FXR1: variants seen among roughly 807,000 people sequenced by gnomAD.
The protein encoded by FXR1 is RNA-binding protein FXR1.
In FXR1, 15 loss-of-function variants were observed where a neutral mutation model predicts 84.0. The observed-to-expected ratio is 0.18, with a 90% CI of 0.12 to 0.27. The LOEUF (loss-of-function observed/expected upper bound fraction) is 0.27. FXR1 is among the 10% of genes least tolerant of loss of function. The pLI is 1.00. For synonymous variants in FXR1, 245 were observed against 250.7 expected (o/e 0.98, Z 0.21); for missense variants, 480 against 774.4 (o/e 0.62, Z 4.51).
chr3:180,912,695 C>G lies in FXR1; in HGVS notation c.10C>G (p.Leu4Val), dbSNP rs377637427. MAE[L>V]TVEVRGSNGA... ...CCTTTGCGGTTCCAACATGGCGGAGCTGACGGTGGAGGTTCGCGGCTCTAA... is the reference window on the plus strand; with the variant it reads ...CCTTTGCGGTTCCAACATGGCGGAGGTGACGGTGGAGGTTCGCGGCTCTAA... Residue 4 changes from leucine to valine, a missense_variant, in exon 1 of 17, where the codon CTG (leucine) becomes GTG (valine). This residue lies in a region of FXR1 where 54 missense variants were observed against 74.2 expected (regional missense o/e 0.73). Coordinates refer to ENST00000357559, the MANE Select transcript of FXR1 (RefSeq NM_005087.4). 3.1e-6 allele frequency: 5 copies of G among 1,613,840 alleles called. No homozygotes were observed. Among genetic ancestry groups the G allele is most frequent in the African/African-American group, 2.7e-5 (2 of 74,888 alleles).
At chr3:180,949,630 C>T (rs753144089) in intron 7 of FXR1, among the ~76,000 whole-genome samples, 2 of 152,158 alleles carry the variant, frequency 1.3e-5, no homozygotes, top group Non-Finnish European at 1.5e-5. Flanking sequence ...AGTGATTGCC[C>T]GCCTCAGCCT....
chr3:180,949,190 G>T (rs779910538), intron 6 of FXR1, 37 bp from the exon 7 acceptor site: 1 of 1,020,596 alleles, frequency 9.8e-7, no homozygotes, highest in African/African-American at 1.6e-5. Flanking sequence ...TTGGAAGAAT[G>T]ATTAAAGTTT....
In FXR1 at chr3:180,958,394, C is replaced by G. The variant is rs1711606267; in HGVS notation, c.990+466C>G. On this transcript the variant is annotated intron_variant, in intron 10 of 16. Transcript: ENST00000357559. The stretch of plus-strand genomic sequence containing the variant: ...TTTTATCTCTCACCCCCCTCCCAAC[C>G]TTCCTCCACACTGAGTCTCCAAAGT... Among the ~76,000 whole-genome samples, 3 of 152,084 alleles carry G rather than the reference C, an allele frequency of 2.0e-5. No homozygotes were observed. In the South Asian group the frequency reaches 6.2e-4, roughly 32 times the overall value.
intron 13 of FXR1, among the ~76,000 whole-genome samples, chr3:180,966,088 CT>C (rs894909491): frequency 2.0e-5 from 3 of 150,100 alleles, no homozygotes; most frequent in Non-Finnish European, 4.4e-5. Context: ...TTCTGAAAGG[CT>C]TTTTTTTTCA....
rs762519556 is a variant in FXR1, at chr3:180,975,441, T to A, written c.1695+37T>A. 3.3e-5 allele frequency: 26 copies of A among 787,136 alleles called. 1 individual carries two copies. Among genetic ancestry groups the A allele is most frequent in the South Asian group, 8.3e-5 (5 of 60,110 alleles). The allele number at this position is 787,136 out of a possible 1,614,324, so 48.8% of individuals were successfully genotyped here. A position where few individuals can be genotyped will look rare whatever the true frequency, so the allele number is the denominator to read the frequency against. On this transcript the variant is annotated intron_variant, in intron 16 of 16. Transcript: ENST00000357559. ...TTAACCTGTAGGTTTTTTTTTTTTTTAATTTTTGGTATGGTTTAGCTTTAT... is the reference window on the plus strand; with the variant it reads ...TTAACCTGTAGGTTTTTTTTTTTTTAAATTTTTGGTATGGTTTAGCTTTAT...
intron 1 of FXR1, among the ~76,000 whole-genome samples, chr3:180,918,950 G>C (rs1453670177): frequency 1.3e-5 from 2 of 152,218 alleles, no homozygotes; most frequent in African/African-American, 2.4e-5. Flanking sequence ...TCAAGATTCA[G>C]ACTCTAAAGT....
At chr3:180,928,256 T>C (rs1458052538) in intron 1 of FXR1, among the ~76,000 whole-genome samples, 1 of 152,094 alleles carries the variant, frequency 6.6e-6, no homozygotes, top group Non-Finnish European at 1.5e-5. Flanking sequence ...AGGCCTACTT[T>C]TGGAATCTGT....
chr3:180,967,918 C>G (rs1417044264), intron 13 of FXR1, 133 bp from the exon 14 acceptor site: 9 of 628,584 alleles, frequency 1.4e-5, no homozygotes, highest in Non-Finnish European at 2.6e-5. Context: ...TTGATTTTAA[C>G]TTTCATGGAT....
chr3:180,939,348 T>C (rs1559990797), intron 3 of FXR1, among the ~76,000 whole-genome samples: 1 of 152,180 alleles, frequency 6.6e-6, no homozygotes, highest in Non-Finnish European at 1.5e-5. Flanking sequence ...TAAACACTTT[T>C]TCTTAAAATT....
At chr3:180,912,885 C>T (rs1017677551) in intron 1 of FXR1, 149 bp downstream of exon 1, 3 of 1,425,172 alleles carry the variant, frequency 2.1e-6, no homozygotes, top group African/African-American at 2.8e-5. Flanking sequence ...CTCCCCCCTC[C>T]ACCCGCGGTT....
At chr3:180,976,060 T>C in intron 16 of FXR1, 62 bp from the exon 17 acceptor site, 1 of 1,316,150 alleles carries the variant, frequency 7.6e-7, no homozygotes. Flanking sequence ...ATGTAGCTGT[T>C]TTCCTCCTCA....
intron 1 of FXR1, among the ~76,000 whole-genome samples, chr3:180,917,744 C>T (rs1353569265): frequency 1.3e-5 from 2 of 151,830 alleles, no homozygotes; most frequent in Admixed American, 1.3e-4. Context: ...GTCAGGAGTT[C>T]GAGACCAGCC....
intron 4 of FXR1, 168 bp downstream of exon 4, chr3:180,948,104 G>A (rs1721880385): frequency 4.9e-6 from 3 of 607,202 alleles, no homozygotes; most frequent in Non-Finnish European, 5.9e-6. Context: ...TTCTGTATTG[G>A]CAAACACCAA....
intron 9 of FXR1, among the ~76,000 whole-genome samples, chr3:180,957,345 A>C (rs1160324724): frequency 6.6e-6 from 1 of 152,186 alleles, no homozygotes; most frequent in East Asian, 1.9e-4. Flanking sequence ...TATTCATTCT[A>C]AAGTTATCTT....
intron 8 of FXR1, among the ~76,000 whole-genome samples, chr3:180,952,828 CTTTTTTT>C (rs371547296): frequency 2.5e-5 from 3 of 121,488 alleles, no homozygotes; most frequent in East Asian, 2.4e-4. Context: ...ATTTTATTTG[CTTTTTTT>C]TTTTTTTTTT....
rs562105694 is a variant in FXR1 at position 180,978,568 on chromosome 3, A to G, written c.*2276A>G. On this transcript the variant is annotated 3_prime_UTR_variant, in exon 17 of 17. Transcript: ENST00000357559. ...CTATGGGAAGAACTTGCCACTATAC[A>G]CTAAACAGACACTTAAGCAAAAGAT... 1.2e-4 allele frequency: 19 copies of G among 152,188 alleles called. No homozygotes were observed. Among genetic ancestry groups the G allele is most frequent in the African/African-American group, 4.6e-4 (19 of 41,548 alleles). 9.4% of individuals were successfully genotyped at this position (152,188 alleles called of 1,614,324 possible).
At chr3:180,939,711 G>C (rs1386999923) in intron 3 of FXR1, among the ~76,000 whole-genome samples, 4 of 152,212 alleles carry the variant, frequency 2.6e-5, no homozygotes, top group Admixed American at 2.0e-4. Flanking sequence ...AGGTTGGGAA[G>C]CTGATAACCA....
At chr3:180,931,299 A>G (rs1332412818) in intron 1 of FXR1, among the ~76,000 whole-genome samples, 6 of 151,400 alleles carry the variant, frequency 4.0e-5, no homozygotes, top group Non-Finnish European at 8.8e-5. Context: ...GCTCACTGCA[A>G]CCTCTGCCTC....
chr3:180,933,268 T>C (rs1343766112), intron 1 of FXR1, 66 bp from the exon 2 acceptor site: 3 of 927,870 alleles, frequency 3.2e-6, no homozygotes, highest in Non-Finnish European at 5.3e-6. Flanking sequence ...TTTGAACTAA[T>C]ACAACCTTTT....
Sources: allele counts gnomAD v4.1 joint callset (sites outside exome capture counted in the v4.1 genomes callset), GRCh38; gene constraint gnomAD v4.1.1; regional missense constraint gnomAD v4.1.1; transcripts MANE v1.5; gene names NCBI Gene and HGNC (gene_info 2026-07-23, HGNC 2026-07-21).